ADGRV1: variants seen among roughly 807,000 people sequenced by gnomAD.
The protein encoded by ADGRV1 is G-protein coupled receptor 98.
ADGRV1 carries 359 observed loss-of-function variants against 596.2 expected under a neutral mutation model. That is an observed-to-expected ratio of 0.60 (90% CI 0.55 to 0.66). The LOEUF is 0.66. Among genes scored for constraint, ADGRV1 ranks in the 30% least tolerant of loss-of-function variants. The pLI, the probability that ADGRV1 is intolerant of heterozygous loss-of-function variation, is 0.00. For synonymous variants in ADGRV1, 2,681 were observed against 2,679.2 expected (o/e 1.00, Z -0.02); for missense variants, 7,274 against 7,575.6 (o/e 0.96, Z 1.48).
intron 83 of ADGRV1, among the ~76,000 whole-genome samples, chr5:90,920,067 G>T (rs1773743413): frequency 6.6e-6 from 1 of 151,942 alleles, no homozygotes; most frequent in Non-Finnish European, 1.5e-5. Context: ...GCCTGTTCAG[G>T]CTGCTATAAC....
chr5:90,861,726 C>G (rs1767600200), intron 82 of ADGRV1, among the ~76,000 whole-genome samples: 1 of 151,982 alleles, frequency 6.6e-6, no homozygotes, highest in Non-Finnish European at 1.5e-5. Flanking sequence ...AAAAAGATTT[C>G]TAAGTTTAAA....
At position 90,757,056 on chromosome 5, in the gene ADGRV1, T is replaced by C; in HGVS notation, c.11835T>C (p.Ala3945=). ...NVLQVPVVRL[A]GSFGAVNVYW... is the part of the protein sequence containing the mutation. ...TTCAAGTTCCTGTAGTCCGGCTGGC[T>C]GGAAGCTTTGGGGCAGTAAATGTTT... The change falls in exon 57 of 90, where the codon GCT becomes GCC. Residue 3945 remains alanine (A), a synonymous_variant. Coordinates refer to ENST00000405460, the MANE Select transcript of ADGRV1 (RefSeq NM_032119.4). The C allele has an allele frequency of 6.2e-7, 1 of 1,613,944 alleles. No individual in the cohort carries two copies. Among genetic ancestry groups the C allele is most frequent in the Non-Finnish European group, 8.5e-7 (1 of 1,179,822 alleles).
chr5:90,716,470 TA>T lies in ADGRV1; in HGVS notation c.9190del (p.Ile3064LeufsTer23). ...GLELGKNTIALIIVLANDDGP... is the reference protein window; with the variant it reads ...GLELGKNTIAXIIVLANDDGP... Reference sequence around the variant, plus strand: ...TTTAATATTTTTATTTTGGCAGCCTTAATTATTGTCCTTGCTAATGATGACG... The same window carrying T: ...TTTAATATTTTTATTTTGGCAGCCTTATTATTGTCCTTGCTAATGATGACG... On this transcript the variant is annotated frameshift_variant, in exon 43 of 90. Coordinates refer to ENST00000405460, the MANE Select transcript of ADGRV1 (RefSeq NM_032119.4). LOFTEE classifies it high-confidence loss of function. 4 of 1,554,864 alleles carry T rather than the reference TA, an allele frequency of 2.6e-6. No homozygotes were observed. Among genetic ancestry groups the T allele is most frequent in the Non-Finnish European group, 3.5e-6 (4 of 1,148,408 alleles).
intron 83 of ADGRV1, among the ~76,000 whole-genome samples, chr5:90,926,777 A>G (rs1774521673): frequency 6.7e-6 from 1 of 149,414 alleles, no homozygotes; most frequent in Admixed American, 6.6e-5. Flanking sequence ...ATTTAGTGCT[A>G]TAAATTTCCC....
intron 82 of ADGRV1, among the ~76,000 whole-genome samples, chr5:90,858,507 T>G (rs1231364759): frequency 6.6e-6 from 1 of 151,958 alleles, no homozygotes; most frequent in African/African-American, 2.4e-5. Context: ...ACCACCACAC[T>G]TGGCAAATTT....
At chr5:90,591,952 T>C (rs1490760739) in intron 1 of ADGRV1, among the ~76,000 whole-genome samples, 1 of 152,230 alleles carries the variant, frequency 6.6e-6, no homozygotes, top group East Asian at 1.9e-4. Context: ...AACTGAGATT[T>C]AGAGATGCTA....
At chr5:91,014,613 C>G (rs927018309) in intron 85 of ADGRV1, among the ~76,000 whole-genome samples, 1 of 83,866 alleles carries the variant, frequency 1.2e-5, no homozygotes, top group African/African-American at 6.1e-5. Context: ...CATCCTGATT[C>G]AGTCTTGGGA....
chr5:91,035,861 T>TAAAATATATATATAATA lies in ADGRV1; in HGVS notation c.18153-36586_18153-36585insAAAATATATATATAATA. On this transcript the variant is annotated intron_variant, in intron 85 of 89. Transcript: ENST00000405460. ...ATGAGTGTGTATATATATATATATATTATATATATATATATATATATCTTA... is the reference window on the plus strand; with the variant it reads ...ATGAGTGTGTATATATATATATATATAAAATATATATATAATATATATATATATATATATATATCTTA... Among the ~76,000 whole-genome samples the TAAAATATATATATAATA allele has an allele frequency of 3.1e-5, 3 of 96,402 alleles. No homozygotes were observed. The East Asian group carries it at 7.6e-4, about 24-fold the overall frequency. The allele number at this position is 96,402 out of a possible 152,430, so 63.2% of individuals were successfully genotyped here.
At position 90,646,251 on chromosome 5, in the gene ADGRV1, C is replaced by T. The variant is rs149915496; in HGVS notation, c.3022+160C>T. 4.9e-3 allele frequency among the ~76,000 whole-genome samples: 751 copies of T among 151,854 alleles called. 7 individuals carry two copies. Among genetic ancestry groups the T allele is most frequent in the African/African-American group, 0.018 (727 of 41,452 alleles). On this transcript the variant is annotated intron_variant, in intron 16 of 89. Transcript: ENST00000405460. ...TTTTCATTGAACATTTTCAATAAAGCACAATTGATGCTTGTTTAAAGATTT... is the reference window on the plus strand; with the variant it reads ...TTTTCATTGAACATTTTCAATAAAGTACAATTGATGCTTGTTTAAAGATTT...
intron 53 of ADGRV1, among the ~76,000 whole-genome samples, chr5:90,753,373 A>C (rs1411548343): frequency 6.6e-6 from 1 of 152,032 alleles, no homozygotes; most frequent in African/African-American, 2.4e-5. Context: ...AAAGTTTATA[A>C]ATGGTTTGCT....
Position 90,783,243 on chromosome 5 carries a change from A to G in ADGRV1, c.13351A>G (p.Ile4451Val). ...SSASPGGVDY[I>V]LHGSTVTFQH... ...TGCCAGTCCCGGAGGTGTTGATTAC[A>G]TTTTGCATGGCAGTACAGTCACCTT... The change falls in exon 66 of 90, where the codon ATT becomes GTT. Residue 4451 changes from isoleucine (I) to valine (V), a missense_variant. Ile to Val is a conservative substitution (Grantham distance 29, BLOSUM62 3). Coordinates refer to ENST00000405460, the MANE Select transcript of ADGRV1 (RefSeq NM_032119.4). 6.2e-7 allele frequency: 1 copy of G among 1,613,610 alleles called. No individual in the cohort carries two copies. Among genetic ancestry groups the G allele is most frequent in the Non-Finnish European group, 8.5e-7 (1 of 1,179,628 alleles).
chr5:91,113,219 G>T (rs1048252933), intron 87 of ADGRV1, among the ~76,000 whole-genome samples: 4 of 152,102 alleles, frequency 2.6e-5, no homozygotes, highest in Non-Finnish European at 5.9e-5. Flanking sequence ...AACTTCTATG[G>T]CTGAAATATG....
In ADGRV1 at chr5:90,672,551, A is replaced by C. The variant is rs887206784; in HGVS notation, c.4758A>C (p.Ala1586=). 2 of 1,612,978 alleles carry C rather than the reference A, an allele frequency of 1.2e-6. No individual in the cohort carries two copies. Among genetic ancestry groups the C allele is most frequent in the Non-Finnish European group, 1.7e-6 (2 of 1,179,184 alleles). The change falls in exon 22 of 90, where the codon GCA becomes GCC. Residue 1586 remains alanine, a synonymous_variant. Transcript: ENST00000405460. ...GFTGACIPEI[A]EEGSTISCVV... ...TAATTTACATTCAATTTCAGATTGC[A>C]GAGGAGGGATCAACCATTTCTTGTG...
chr5:90,888,453 A>C (rs1256243310), intron 83 of ADGRV1, among the ~76,000 whole-genome samples: 1 of 152,182 alleles, frequency 6.6e-6, no homozygotes, highest in Non-Finnish European at 1.5e-5. Flanking sequence ...TAAAATAGCA[A>C]TATCTTCTGG....
In ADGRV1 at chr5:90,810,678, A is replaced by T. The variant is rs377551242; in HGVS notation, c.15418A>T (p.Thr5140Ser). 3 of 1,613,868 alleles carry T rather than the reference A, an allele frequency of 1.9e-6. No individual in the cohort carries two copies. In the African/African-American group the frequency reaches 4.0e-5, roughly 22 times the overall value. ...AGGAATGGATATTTCCTTCCCCGAG[A>T]CAACTGTGGCTGTAGCAGTTGACAC... ...LAGMDISFPE[T>S]TVAVAVDTTL... The change falls in exon 74 of 90, where the codon ACA becomes TCA. Residue 5140 changes from threonine to serine, a missense_variant. Coordinates refer to ENST00000405460, the MANE Select transcript of ADGRV1 (RefSeq NM_032119.4).
chr5:90,890,909 T>C (rs931835493), intron 83 of ADGRV1, among the ~76,000 whole-genome samples: 2 of 152,066 alleles, frequency 1.3e-5, no homozygotes, highest in Non-Finnish European at 2.9e-5. Flanking sequence ...AAGAGTAAAG[T>C]TGAAAATCTT....
intron 87 of ADGRV1, among the ~76,000 whole-genome samples, chr5:91,147,176 T>TAAA (rs57619661): frequency 2.0e-5 from 2 of 100,806 alleles, no homozygotes; most frequent in African/African-American, 3.6e-5. Flanking sequence ...GACCTTGTCT[T>TAAA]AAAAAAAAAA....
At chr5:90,574,834 G>A (rs1368872727) in intron 1 of ADGRV1, among the ~76,000 whole-genome samples, 4 of 152,122 alleles carry the variant, frequency 2.6e-5, no homozygotes, top group East Asian at 1.9e-4. Context: ...GTGCTTGCAG[G>A]TGTGTATCCT....
At chr5:90,724,770 A>G in intron 45 of ADGRV1, 62 bp from the exon 46 acceptor site, 1 of 1,436,678 alleles carries the variant, frequency 7.0e-7, no homozygotes. Flanking sequence ...TAAACAATAA[A>G]TTAGAATAGA....
Sources: gnomAD v4.1 joint callset for allele counts (sites outside exome capture counted in the v4.1 genomes callset) on GRCh38, gnomAD v4.1.1 for gene constraint, MANE v1.5 for transcripts, NCBI Gene and HGNC (gene_info 2026-07-23, HGNC 2026-07-21) for gene names.